The following HAO1 variants were observed in gnomAD, a reference collection of about 807,000 sequenced individuals.
The protein encoded by HAO1 is 2-Hydroxyacid oxidase 1.
HAO1 carries 34 observed loss-of-function variants against 39.7 expected under a neutral mutation model. The ratio of observed to expected loss-of-function variants is 0.86; its 90% confidence interval spans 0.65 to 1.14. HAO1 has a LOEUF of 1.14. Ranked by LOEUF, HAO1 falls within the 50% of genes most tolerant of loss-of-function variation. HAO1 has a pLI of 0.00. For synonymous variants in HAO1, 172 were observed against 173.2 expected, an observed-to-expected ratio of 0.99 and a Z score of 0.05; for missense variants, 479 against 464.5, an observed-to-expected ratio of 1.03 and a Z score of -0.29.
intron 4 of HAO1, among the ~76,000 whole-genome samples, chr20:7,905,707 T>G (rs564446451): frequency 6.6e-6 from 1 of 152,318 alleles, no homozygotes; most frequent in Admixed American, 6.5e-5. Flanking sequence ...ACTCAAAAAC[T>G]AGTCCTAGCC....
At chr20:7,934,984 A>AC (rs141037233) in intron 1 of HAO1, among the ~76,000 whole-genome samples, 1,993 of 152,340 alleles carry the variant, frequency 0.013, 39 homozygotes, top group African/African-American at 0.043. Context: ...TTCCCAAAAA[A>AC]GTCCCCATTT....
chr20:7,895,871 C>G (rs113217827), intron 4 of HAO1, among the ~76,000 whole-genome samples: 2,814 of 152,098 alleles, frequency 0.019, 94 homozygotes, highest in African/African-American at 0.064. Context: ...CATGGTGAAA[C>G]CCCATCTCTA....
At chr20:7,915,930 C>A (rs908333028) in intron 2 of HAO1, among the ~76,000 whole-genome samples, 2 of 151,810 alleles carry the variant, frequency 1.3e-5, no homozygotes, top group African/African-American at 4.8e-5. Flanking sequence ...AAAATTTTGT[C>A]TTTCAAAATT....
In HAO1 at chr20:7,888,081, C is replaced by T. The variant is rs551712264; in HGVS notation, c.814-2217G>A. Among the ~76,000 whole-genome samples, 7 of 152,222 alleles carry T rather than the reference C, an allele frequency of 4.6e-5. No individual in the cohort carries two copies. The South Asian group carries it at 6.2e-4, about 14-fold the overall frequency. On this transcript the variant is annotated intron_variant, in intron 5 of 7. Coordinates refer to ENST00000378789, the MANE Select transcript of HAO1 (RefSeq NM_017545.3). ...TTTAGCTATTTCCTTAGTGCTTCTT[C>T]GGGCAAGTAATTGTGGGTTTAACTC...
intron 4 of HAO1, among the ~76,000 whole-genome samples, chr20:7,897,813 A>G (rs1600108162): frequency 6.6e-6 from 1 of 152,122 alleles, no homozygotes; most frequent in East Asian, 1.9e-4. Context: ...TGTTTCTGAT[A>G]TGCCTAGTGA....
intron 1 of HAO1, 38 bp downstream of exon 1, chr20:7,940,248 A>G: frequency 6.6e-7 from 1 of 1,526,084 alleles, no homozygotes. Flanking sequence ...GTCTTTGTGT[A>G]ATTTTAAAAC....
intron 4 of HAO1, among the ~76,000 whole-genome samples, chr20:7,902,110 T>C (rs6077286): frequency 0.14 from 20,686 of 152,218 alleles, 1,623 homozygotes; most frequent in South Asian, 0.29. Context: ...GCTGTGAACA[T>C]TGCTGAAATA....
intron 3 of HAO1, among the ~76,000 whole-genome samples, chr20:7,913,128 T>C (rs1056211099): frequency 6.6e-6 from 1 of 151,946 alleles, no homozygotes; most frequent in Non-Finnish European, 1.5e-5. Context: ...GTGGCTTCTT[T>C]CGTCTTTTAT....
intron 3 of HAO1, among the ~76,000 whole-genome samples, chr20:7,907,186 G>A (rs147790371): frequency 1.6e-3 from 250 of 152,120 alleles, no homozygotes; most frequent in Non-Finnish European, 3.0e-3. Context: ...TGAACTTCTC[G>A]GTCTGCTGAC....
chr20:7,901,263 C>A (rs768702640), intron 4 of HAO1, among the ~76,000 whole-genome samples: 1 of 152,138 alleles, frequency 6.6e-6, no homozygotes, highest in Non-Finnish European at 1.5e-5. Flanking sequence ...GGTGGCTACA[C>A]TGAACAACAT....
intron 3 of HAO1, among the ~76,000 whole-genome samples, chr20:7,909,970 T>C (rs1230678931): frequency 6.6e-6 from 1 of 152,186 alleles, no homozygotes; most frequent in African/African-American, 2.4e-5. Context: ...TCAATGTGGC[T>C]GCTAGAAGAA....
intron 2 of HAO1, among the ~76,000 whole-genome samples, chr20:7,922,505 G>A (rs527523779): frequency 6.6e-6 from 1 of 152,254 alleles, no homozygotes; most frequent in East Asian, 1.9e-4. Context: ...AGCTCCTAAA[G>A]GAGAGTGGAA....
In HAO1 at chr20:7,884,956, C is replaced by G. The variant is rs552842872; in HGVS notation, c.1042+565G>C. Among the ~76,000 whole-genome samples the G allele has an allele frequency of 3.3e-5, 5 of 152,208 alleles. No homozygotes were observed. The South Asian group carries it at 1.0e-3, about 32-fold the overall frequency. The stretch of plus-strand genomic sequence containing the variant: ...GATGAGAGACAATGATGGCTCCAGC[C>G]AGGGCGGTGGCAGTGGAGATGACAG... On this transcript the variant is annotated intron_variant, in intron 7 of 7. Transcript: ENST00000378789.
intron 3 of HAO1, among the ~76,000 whole-genome samples, chr20:7,910,804 G>T (rs1600112902): frequency 6.6e-6 from 1 of 152,144 alleles, no homozygotes; most frequent in African/African-American, 2.4e-5. Flanking sequence ...CAATGTGAAT[G>T]ATTTCTTAAC....
chr20:7,894,012 C>A (rs2050185525), intron 5 of HAO1, among the ~76,000 whole-genome samples: 2 of 152,168 alleles, frequency 1.3e-5, no homozygotes, highest in Admixed American at 1.3e-4. Flanking sequence ...CAAAGAGGGT[C>A]CACATGGGGC....
intron 2 of HAO1, among the ~76,000 whole-genome samples, chr20:7,925,927 T>C (rs2050357118): frequency 6.6e-6 from 1 of 152,168 alleles, no homozygotes; most frequent in African/African-American, 2.4e-5. Flanking sequence ...TGCAAAGTGA[T>C]TTTAACACTG....
intron 3 of HAO1, among the ~76,000 whole-genome samples, chr20:7,907,477 G>C (rs1038800101): frequency 6.6e-6 from 1 of 152,134 alleles, no homozygotes; most frequent in African/African-American, 2.4e-5. Flanking sequence ...TATGCCCTTT[G>C]TTCAATGCCT....
chr20:7,932,116 T>G lies in HAO1; in HGVS notation c.289+2368A>C, dbSNP rs187255520. Among the ~76,000 whole-genome samples, 50 of 152,252 alleles carry G rather than the reference T, an allele frequency of 3.3e-4. No individual in the cohort carries two copies. In the South Asian group the frequency reaches 8.5e-3, roughly 26 times the overall value. On this transcript the variant is annotated intron_variant, in intron 2 of 7. Transcript: ENST00000378789. ...ATGAGATCAGATGGTTTTATAAGTA[T>G]CTGGCATTTCCCTGCTTGCACTTCT...
At chr20:7,938,927 G>A (rs111399291) in intron 1 of HAO1, among the ~76,000 whole-genome samples, 13 of 152,158 alleles carry the variant, frequency 8.5e-5, no homozygotes, top group African/African-American at 2.7e-4. Flanking sequence ...AATCACTTGA[G>A]CATTGGAGGT....
Sources: allele counts gnomAD v4.1 joint callset (sites outside exome capture counted in the v4.1 genomes callset), GRCh38; gene constraint gnomAD v4.1.1; transcripts MANE v1.5; gene names NCBI Gene and HGNC (gene_info 2026-07-23, HGNC 2026-07-21).